The following ZMYM1 variants were observed in gnomAD, a reference collection of about 807,000 sequenced individuals.
ZMYM1 encodes zinc finger MYM-type containing 1.
ZMYM1 carries 39 observed loss-of-function variants against 60.0 expected under a neutral mutation model. The ratio of observed to expected loss-of-function variants is 0.65; its 90% CI spans 0.50 to 0.85. The LOEUF (loss-of-function observed/expected upper bound fraction) is 0.85, where lower values mean the gene tolerates loss of function less well. ZMYM1 is among the 40% of genes least tolerant of loss of function. The pLI is 0.00. For synonymous variants in ZMYM1, 413 were observed against 454.0 expected (o/e 0.91, Z 1.15); for missense variants, 1,171 against 1,309.5 (o/e 0.89, Z 1.63).
chr1:35,090,735 T>C (rs1642952337), intron 1 of ZMYM1, among the ~76,000 whole-genome samples: 1 of 151,928 alleles, frequency 6.6e-6, no homozygotes, highest in Non-Finnish European at 1.5e-5. Flanking sequence ...TCACCTGAGG[T>C]TGGGAGTTCG....
Position 35,114,953 on chromosome 1 carries a change from T to A in ZMYM1, c.3123T>A (p.Asp1041Glu). The A allele has an allele frequency of 6.2e-7, 1 of 1,614,014 alleles. No individual in the cohort carries two copies. Among genetic ancestry groups the A allele is most frequent in the Non-Finnish European group, 8.5e-7 (1 of 1,179,874 alleles). ...ATGCAAAGCTTAACTTTGTCATAGA[T>A]GATAGTTGCATAAACTTCGTCAGTC... ...RHYAKLNFVI[D>E]DSCINFVSLG... The change falls in exon 10 of 10, where the codon GAT becomes GAA. Residue 1041 changes from aspartate (D) to glutamate (E), a missense_variant. By Grantham distance (45) the Asp-to-Glu change is conservative. Coordinates refer to ENST00000359858, the MANE Select transcript of ZMYM1 (RefSeq NM_024772.5).
rs1643173682 is a variant in ZMYM1 at position 35,094,032 on chromosome 1, A to G, written c.45A>G (p.Ala15=). ...LLGGECDKAV[A]SQLGLLDEIK... is the part of the protein sequence containing the mutation. Reference sequence around the variant, plus strand: ...GTGGTGAGTGTGACAAGGCAGTGGCATCACAGCTGGGGCTGCTAGATGAAA... The same window carrying G: ...GTGGTGAGTGTGACAAGGCAGTGGCGTCACAGCTGGGGCTGCTAGATGAAA... Residue 15 remains alanine, a synonymous_variant, in exon 2 of 10, where the codon GCA becomes GCG. Coordinates refer to ENST00000359858, the MANE Select transcript of ZMYM1 (RefSeq NM_024772.5). 6.2e-7 allele frequency: 1 copy of G among 1,611,632 alleles called. No homozygotes were observed. The highest frequency in any genetic ancestry group is 8.5e-7 in the Non-Finnish European group (1 of 1,178,602).
chr1:35,080,716 C>T (rs1642342473), intron 1 of ZMYM1, among the ~76,000 whole-genome samples: 1 of 152,034 alleles, frequency 6.6e-6, no homozygotes, highest in African/African-American at 2.4e-5. Flanking sequence ...TCCCAGAAGA[C>T]TGACCGTCTT....
chr1:35,117,770 G>A (rs998384535), downstream of ZMYM1, among the ~76,000 whole-genome samples: 5 of 151,786 alleles, frequency 3.3e-5, no homozygotes, highest in Middle Eastern at 3.4e-3. Flanking sequence ...GAGAAACCCC[G>A]TCTCTACTAA....
downstream of ZMYM1, among the ~76,000 whole-genome samples, chr1:35,117,801 G>A (rs1204514692): frequency 1.3e-5 from 2 of 152,106 alleles, no homozygotes; most frequent in East Asian, 2.0e-4. Context: ...TTAGCCGGGC[G>A]TGGTGGCACA....
intron 1 of ZMYM1, among the ~76,000 whole-genome samples, chr1:35,091,756 C>T (rs1643016996): frequency 6.6e-6 from 1 of 151,388 alleles, no homozygotes; most frequent in Non-Finnish European, 1.5e-5. Context: ...ATTACCTGGG[C>T]ACTGTGGCAC....
chr1:35,116,930 G>A (rs1479499985), downstream of ZMYM1, among the ~76,000 whole-genome samples: 22 of 122,242 alleles, frequency 1.8e-4, no homozygotes, highest in South Asian at 2.9e-3. Context: ...TGCAAGCTCC[G>A]CCTTCCGGGT....
rs571322371 is a variant in ZMYM1, at chr1:35,108,396, G to C, written c.808-1898G>C. ...AGACACAGTCTTGCTCTGTTGCCCA[G>C]GCTGGCGTGCAATGGCACGATCTCA... On this transcript the variant is annotated intron_variant, in intron 6 of 9. Coordinates refer to ENST00000359858, the MANE Select transcript of ZMYM1 (RefSeq NM_024772.5). Among the ~76,000 whole-genome samples the C allele has an allele frequency of 2.4e-4, 37 of 152,142 alleles. No homozygotes were observed. In the South Asian group the frequency reaches 6.6e-3, roughly 27 times the overall value.
chr1:35,088,454 A>ATATATATGTGTG lies in ZMYM1; in HGVS notation c.-74-5459_-74-5458insATATATGTGTGT, dbSNP rs1464546786. ...TATGTGTATATATATATATATATAT[A>ATATATATGTGTG]TGTGTGTGTGTGTGTGTGTGTGTGT... is the stretch of plus-strand genomic sequence containing the variant. On this transcript the variant is annotated intron_variant, in intron 1 of 9. Transcript: ENST00000359858. Among the ~76,000 whole-genome samples the ATATATATGTGTG allele has an allele frequency of 5.3e-4, 57 of 107,248 alleles. 1 individual carries two copies. Among genetic ancestry groups the ATATATATGTGTG allele is most frequent in the African/African-American group, 2.2e-3 (52 of 23,494 alleles). 70.4% of individuals were successfully genotyped at this position (107,248 alleles called of 152,430 possible).
intron 7 of ZMYM1, 128 bp from the exon 8 acceptor site, chr1:35,111,644 T>TA: frequency 1.3e-6 from 1 of 771,736 alleles, no homozygotes; most frequent in Admixed American, 4.0e-5. Context: ...TAATAAAAAT[T>TA]ACTTCAGTAC....
At chr1:35,105,670 A>G (rs1344830526) in intron 6 of ZMYM1, among the ~76,000 whole-genome samples, 3 of 152,062 alleles carry the variant, frequency 2.0e-5, no homozygotes, top group Admixed American at 6.6e-5. Flanking sequence ...TGCAGTGGCA[A>G]TCATGGCTCA....
intron 1 of ZMYM1, among the ~76,000 whole-genome samples, chr1:35,067,615 C>T (rs1461078436): frequency 6.6e-6 from 1 of 152,110 alleles, no homozygotes; most frequent in East Asian, 1.9e-4. Context: ...TGGCTCACTC[C>T]TGTGGTCCTG....
chr1:35,113,346 A>G lies in ZMYM1; in HGVS notation c.1516A>G (p.Thr506Ala), dbSNP rs768892119. Residue 506 changes from threonine (T) to alanine (A), a missense_variant, in exon 10 of 10, where the codon ACC becomes GCC. Thr to Ala is a moderately conservative substitution (Grantham distance 58). Transcript: ENST00000359858. ...ATHGTSNWKK[T>A]LEKFRKHEKS... The stretch of plus-strand genomic sequence containing the variant: ...CCACGGAACTTCTAATTGGAAAAAA[A>G]CCCTGGAAAAATTCAGAAAGCATGA... 1 of 1,612,958 alleles carries G rather than the reference A, an allele frequency of 6.2e-7. No homozygotes were observed. The highest frequency in any genetic ancestry group is 8.5e-7 in the Non-Finnish European group (1 of 1,179,726).
intron 1 of ZMYM1, among the ~76,000 whole-genome samples, chr1:35,070,136 A>T (rs982602721): frequency 6.6e-6 from 1 of 152,090 alleles, no homozygotes; most frequent in African/African-American, 2.4e-5. Context: ...TGTCATTGGT[A>T]TTTTTGTAGA....
chr1:35,067,951 G>T (rs542567058), intron 1 of ZMYM1, among the ~76,000 whole-genome samples: 1 of 151,946 alleles, frequency 6.6e-6, no homozygotes, highest in East Asian at 2.0e-4. Flanking sequence ...ATGGAAAAAT[G>T]AAAAAATTTT....
chr1:35,117,764 A>G (rs891363898), downstream of ZMYM1, among the ~76,000 whole-genome samples: 9 of 151,638 alleles, frequency 5.9e-5, no homozygotes, highest in African/African-American at 2.2e-4. Context: ...AACATGGAGA[A>G]ACCCCGTCTC....
At chr1:35,116,902 G>C (rs1644255225), downstream of ZMYM1, among the ~76,000 whole-genome samples, 2 of 124,124 alleles carry the variant, frequency 1.6e-5, no homozygotes, top group South Asian at 5.1e-4. Context: ...GGAGTGCTGT[G>C]GCGCGATCTC....
At position 35,097,423 on chromosome 1, in the gene ZMYM1, T is replaced by TA. The variant is rs1557672994; in HGVS notation, c.283dup (p.Ile95AsnfsTer26). The TA allele has an allele frequency of 3.1e-6, 5 of 1,614,090 alleles. No individual in the cohort carries two copies. Among genetic ancestry groups the TA allele is most frequent in the East Asian group, 2.2e-5 (1 of 44,876 alleles). ...CTATTCAGGTTTCCTGTGCTGGTTG[T>TA]AAAAAAATTCTCCAGAAGGGGCAAA... On this transcript the variant is annotated frameshift_variant, in exon 4 of 10. Transcript: ENST00000359858. LOFTEE classifies it high-confidence loss of function.
chr1:35,075,326 T>A (rs1642148360), upstream of ZMYM1, among the ~76,000 whole-genome samples: 1 of 152,030 alleles, frequency 6.6e-6, no homozygotes, highest in African/African-American at 2.4e-5. Flanking sequence ...GGTCTTGCTT[T>A]TTTGTTGTTT....
Sources: allele counts gnomAD v4.1 joint callset (sites outside exome capture counted in the v4.1 genomes callset), GRCh38; gene constraint gnomAD v4.1.1; transcripts MANE v1.5; gene names NCBI Gene and HGNC (gene_info 2026-07-23, HGNC 2026-07-21).